Variants in EPHB2 observed in about 807,000 individuals in gnomAD.
The protein encoded by EPHB2 is ephrin type-B receptor 2.
In EPHB2, 18 loss-of-function variants were observed where a neutral mutation model predicts 96.4. The observed-to-expected ratio is 0.19, with a 90% CI of 0.13 to 0.28. The LOEUF (loss-of-function observed/expected upper bound fraction) is 0.28. Among genes scored for constraint, EPHB2 ranks in the 10% least tolerant of loss-of-function variants. The probability of loss-of-function intolerance (pLI) is 1.00; values close to 1 mark genes in which losing one functional copy is unlikely to be tolerated. For synonymous variants in EPHB2, 506 were observed against 534.1 expected (o/e 0.95, Z 0.72); for missense variants, 989 against 1,355.4 (o/e 0.73, Z 4.25).
chr1:22,828,324 C>T (rs1357159948), intron 3 of EPHB2, among the ~76,000 whole-genome samples: 1 of 152,122 alleles, frequency 6.6e-6, no homozygotes, highest in Non-Finnish European at 1.5e-5. Context: ...TACACTGGTC[C>T]ATGACTCACC....
At chr1:22,868,598 A>G (rs990166090) in intron 5 of EPHB2, among the ~76,000 whole-genome samples, 2 of 152,080 alleles carry the variant, frequency 1.3e-5, no homozygotes, top group Admixed American at 1.3e-4. Context: ...TTCTCCTTGG[A>G]CTGGCAGCCA....
intron 1 of EPHB2, among the ~76,000 whole-genome samples, chr1:22,728,052 C>T (rs890858307): frequency 7.2e-5 from 11 of 152,086 alleles, no homozygotes; most frequent in Non-Finnish European, 1.5e-4. Context: ...CCTCAGTTTA[C>T]CCGGCTGTAA....
intron 1 of EPHB2, 43 bp from the exon 2 acceptor site, chr1:22,781,378 C>CCAACAGAAAGAT (rs1355121499): frequency 1.3e-6 from 2 of 1,591,222 alleles, no homozygotes; most frequent in African/African-American, 2.7e-5. Context: ...TTGACAGCGC[C>CCAACAGAAAGAT]TGGTAGGTGG....
intron 6 of EPHB2, chr1:22,891,367 A>G (rs1639382327): frequency 5.8e-6 from 2 of 347,128 alleles, no homozygotes; most frequent in South Asian, 2.3e-5. Context: ...GTTTTTCTGG[A>G]TAAGCATTCA....
rs918341334 is a variant in EPHB2, at chr1:22,906,585, G to C, written c.1889-125G>C. On this transcript the variant is annotated intron_variant, in intron 10 of 15. Transcript: ENST00000374630. This position sits in a 1 kb window ranked among gnomAD's most constrained non-coding sequence, Gnocchi z 4.8. ...TCTTGAAGGGGTTCTGTGTCTGCAA[G>C]GATGAGTGGGCCATTGAGAAGAAAA... 1.4e-6 allele frequency: 2 copies of C among 1,452,364 alleles called. No individual in the cohort carries two copies. Among genetic ancestry groups the C allele is most frequent in the African/African-American group, 2.8e-5 (2 of 71,522 alleles). 90.0% of individuals were successfully genotyped at this position (1,452,364 alleles called of 1,614,324 possible).
At chr1:22,778,433 G>A (rs752573209) in intron 1 of EPHB2, among the ~76,000 whole-genome samples, 5 of 152,168 alleles carry the variant, frequency 3.3e-5, no homozygotes, top group Non-Finnish European at 7.4e-5. Flanking sequence ...CTGCTCATTT[G>A]CCTTTTGTGC....
chr1:22,819,111 G>A (rs1322663993), intron 3 of EPHB2, among the ~76,000 whole-genome samples: 1 of 151,844 alleles, frequency 6.6e-6, no homozygotes, highest in African/African-American at 2.4e-5. Flanking sequence ...CTGTGCCTTT[G>A]CTGCCGAGGA....
Position 22,790,073 on chromosome 1 carries a change from G to T in EPHB2, c.811+4997G>T, listed in dbSNP as rs903065977. 6.6e-6 allele frequency among the ~76,000 whole-genome samples: 1 copy of T among 152,162 alleles called. No individual in the cohort carries two copies. The highest frequency in any genetic ancestry group is 1.5e-5 in the Non-Finnish European group (1 of 68,024). ...GGAAAAAGCCATCTTGTATGACTGG[G>T]TATCTCAGAAGGCTTCAAGGAGGGA... On this transcript the variant is annotated intron_variant, in intron 3 of 15. Coordinates refer to ENST00000374630, the MANE Select transcript of EPHB2 (RefSeq NM_017449.5). The surrounding 1 kb of genome is among the most constrained non-coding windows in gnomAD (Gnocchi z 4.0).
chr1:22,722,022 A>T (rs1477666020), intron 1 of EPHB2, among the ~76,000 whole-genome samples: 1 of 152,086 alleles, frequency 6.6e-6, no homozygotes, highest in African/African-American at 2.4e-5. Context: ...ATCTTGGCTC[A>T]CTGCAACCTC....
intron 3 of EPHB2, among the ~76,000 whole-genome samples, chr1:22,824,857 C>T (rs1645201607): frequency 6.6e-6 from 1 of 152,230 alleles, no homozygotes; most frequent in African/African-American, 2.4e-5. Context: ...GCACCTGTGG[C>T]CAGGGCAGGG....
At chr1:22,834,996 C>A (rs1479018770) in intron 3 of EPHB2, among the ~76,000 whole-genome samples, 1 of 152,206 alleles carries the variant, frequency 6.6e-6, no homozygotes, top group Admixed American at 6.5e-5. Flanking sequence ...GTTTGTCAAC[C>A]TAATACCATT....
chr1:22,803,945 G>A (rs1334865856), intron 3 of EPHB2, among the ~76,000 whole-genome samples: 2 of 151,962 alleles, frequency 1.3e-5, no homozygotes, highest in African/African-American at 4.8e-5. Context: ...TAGAGATAGT[G>A]GTTAGGAGGC....
intron 3 of EPHB2, among the ~76,000 whole-genome samples, chr1:22,831,805 T>G (rs555291740): frequency 2.7e-4 from 41 of 152,216 alleles, no homozygotes; most frequent in African/African-American, 9.6e-4. Context: ...CCTTGGGCTC[T>G]TCAAGGGCTC....
At chr1:22,864,642 C>A (rs931115508) in intron 4 of EPHB2, among the ~76,000 whole-genome samples, 1 of 152,198 alleles carries the variant, frequency 6.6e-6, no homozygotes, top group Non-Finnish European at 1.5e-5. Context: ...CGCAAAAATA[C>A]TATCCTCAGT....
chr1:22,909,906 C>G (rs1361618493), intron 13 of EPHB2, among the ~76,000 whole-genome samples: 1 of 152,056 alleles, frequency 6.6e-6, no homozygotes, highest in African/African-American at 2.4e-5. Context: ...GGGAGGGAGC[C>G]CCAGCCAGGC....
chr1:22,874,790 A>G (rs2148540328), intron 5 of EPHB2, among the ~76,000 whole-genome samples: 1 of 152,284 alleles, frequency 6.6e-6, no homozygotes, highest in East Asian at 1.9e-4. Context: ...CAAGGAAAAA[A>G]TAATAATAAT....
At chr1:22,862,133 G>A (rs907013798) in intron 3 of EPHB2, among the ~76,000 whole-genome samples, 5 of 152,192 alleles carry the variant, frequency 3.3e-5, no homozygotes, top group African/African-American at 7.2e-5. Context: ...AGAGGAAGGT[G>A]GATTTGAATA....
At chr1:22,908,342 G>A (rs1639983624) in intron 12 of EPHB2, among the ~76,000 whole-genome samples, 174 bp downstream of exon 12, 1 of 152,258 alleles carries the variant, frequency 6.6e-6, no homozygotes, top group Non-Finnish European at 1.5e-5. Flanking sequence ...TCCCACACTG[G>A]TGGGGAACAA....
chr1:22,857,629 C>A (rs1372142254), intron 3 of EPHB2, among the ~76,000 whole-genome samples: 1 of 152,110 alleles, frequency 6.6e-6, no homozygotes, highest in Non-Finnish European at 1.5e-5. Context: ...CCCTGTTCAA[C>A]AGGTCCCTGG....
Sources: allele counts gnomAD v4.1 joint callset (sites outside exome capture counted in the v4.1 genomes callset), GRCh38; gene constraint gnomAD v4.1.1; non-coding constraint Gnocchi (gnomAD v3.1); transcripts MANE v1.5; gene names NCBI Gene and HGNC (gene_info 2026-07-23, HGNC 2026-07-21).